ANKS1B: variants seen among roughly 807,000 people sequenced by gnomAD.
ANKS1B encodes ankyrin repeat and sterile alpha motif domain containing 1B.
Under a neutral mutation model 148.3 loss-of-function variants are expected in ANKS1B, and 36 were observed. The ratio of observed to expected loss-of-function variants is 0.24; its 90% CI spans 0.19 to 0.32. ANKS1B has a LOEUF of 0.32. Among genes scored for constraint, ANKS1B ranks in the 10% least tolerant of loss-of-function variants. ANKS1B has a pLI of 1.00. For synonymous variants in ANKS1B, 542 were observed against 560.8 expected (o/e 0.97, Z 0.47); for missense variants, 1,157 against 1,542.6 (o/e 0.75, Z 4.19).
chr12:99,181,703 T>C (rs981202828), intron 14 of ANKS1B, among the ~76,000 whole-genome samples: 2 of 152,124 alleles, frequency 1.3e-5, no homozygotes, highest in Admixed American at 1.3e-4. Context: ...ATGGGGTATA[T>C]GAGATTTTTC....
At chr12:99,189,851 C>A (rs2080406272) in intron 14 of ANKS1B, among the ~76,000 whole-genome samples, 1 of 152,010 alleles carries the variant, frequency 6.6e-6, no homozygotes, top group African/African-American at 2.4e-5. Context: ...GGCAATCAGG[C>A]AAGACAAAGA....
At chr12:99,216,490 T>C (rs2084215231) in intron 14 of ANKS1B, among the ~76,000 whole-genome samples, 1 of 152,252 alleles carries the variant, frequency 6.6e-6, no homozygotes, top group South Asian at 2.1e-4. Context: ...TAAATACACA[T>C]TTCTTTTTTT....
intron 10 of ANKS1B, among the ~76,000 whole-genome samples, chr12:99,503,006 G>A (rs768391489): frequency 6.6e-6 from 1 of 152,310 alleles, no homozygotes; most frequent in East Asian, 1.9e-4. Flanking sequence ...GTGTGACCAC[G>A]GTTTACTGTA....
rs370787019 is a variant in ANKS1B, at chr12:99,645,212, C to T, written c.1272+9855G>A. ...ATTACATAGTTTTAAGCACTAACAC[C>T]GCTGATTGCCTATCTTACTGAACTA... On this transcript the variant is annotated intron_variant, in intron 9 of 26. Coordinates refer to ENST00000683438, the MANE Select transcript of ANKS1B (RefSeq NM_001352186.2). 5.0e-4 allele frequency among the ~76,000 whole-genome samples: 76 copies of T among 152,310 alleles called. No individual in the cohort carries two copies. In the South Asian group the frequency reaches 0.013, roughly 26 times the overall value.
chr12:98,765,753 G>T lies in ANKS1B; in HGVS notation c.3579+7289C>A, dbSNP rs149996801. On this transcript the variant is annotated intron_variant, in intron 25 of 26. Transcript: ENST00000683438. ...TGGGATTACAGGTGTGCACCACCAT[G>T]CCAGGCTAATTTTTGTATCTTTAGT... Among the ~76,000 whole-genome samples, 138 of 152,302 alleles carry T rather than the reference G, an allele frequency of 9.1e-4. 1 individual carries two copies. The highest frequency in any genetic ancestry group is 3.1e-3 in the African/African-American group (129 of 41,556).
intron 12 of ANKS1B, among the ~76,000 whole-genome samples, chr12:99,306,165 AAC>A (rs1301955405): frequency 2.6e-5 from 4 of 152,070 alleles, no homozygotes; most frequent in Non-Finnish European, 5.9e-5. Flanking sequence ...GTTCATCACC[AAC>A]AGTTATTGGA....
At chr12:99,643,932 T>C (rs2098334117) in intron 9 of ANKS1B, among the ~76,000 whole-genome samples, 1 of 152,232 alleles carries the variant, frequency 6.6e-6, no homozygotes, top group Admixed American at 6.5e-5. Flanking sequence ...CTAAGTACAC[T>C]TCTTGACAGT....
At chr12:99,945,449 G>GT (rs2095037841) in intron 1 of ANKS1B, among the ~76,000 whole-genome samples, 1 of 152,124 alleles carries the variant, frequency 6.6e-6, no homozygotes, top group Admixed American at 6.5e-5. Context: ...TAACAGCACG[G>GT]TGTCAGTTTA....
intron 17 of ANKS1B, among the ~76,000 whole-genome samples, chr12:98,935,855 A>G (rs1365573462): frequency 6.6e-6 from 1 of 152,198 alleles, no homozygotes; most frequent in East Asian, 1.9e-4. Flanking sequence ...AGTTGTGAAA[A>G]TTTAGTGAAA....
intron 12 of ANKS1B, among the ~76,000 whole-genome samples, chr12:99,344,196 T>C (rs1038405954): frequency 3.3e-5 from 5 of 152,042 alleles, no homozygotes; most frequent in African/African-American, 1.2e-4. Flanking sequence ...CAAACCACTG[T>C]GTGTGTATAT....
At chr12:98,983,527 TAATTCCAGCGATTAAA>T (rs1162648798) in intron 17 of ANKS1B, among the ~76,000 whole-genome samples, 1 of 152,220 alleles carries the variant, frequency 6.6e-6, no homozygotes, top group East Asian at 1.9e-4. Flanking sequence ...GTCACAAGAA[TAATTCCAGCGATTAAA>T]GTTATGAGGG....
intron 9 of ANKS1B, among the ~76,000 whole-genome samples, chr12:99,518,357 G>C (rs927294809): frequency 4.6e-5 from 7 of 151,994 alleles, no homozygotes; most frequent in Non-Finnish European, 1.0e-4. Context: ...TTTATTTGCT[G>C]GGAGACTTTT....
chr12:99,285,824 C>T (rs75099762), intron 12 of ANKS1B, among the ~76,000 whole-genome samples: 1,976 of 152,228 alleles, frequency 0.013, 42 homozygotes, highest in African/African-American at 0.046. Context: ...CAGGGACTAA[C>T]ACAGGGCAGA....
At chr12:99,678,634 T>C (rs376702236) in intron 8 of ANKS1B, among the ~76,000 whole-genome samples, 1 of 152,118 alleles carries the variant, frequency 6.6e-6, no homozygotes, top group African/African-American at 2.4e-5. Flanking sequence ...CCATCCCTGA[T>C]TGCACCAAAC....
chr12:99,751,356 G>A (rs2061090247), intron 8 of ANKS1B, among the ~76,000 whole-genome samples: 1 of 151,822 alleles, frequency 6.6e-6, no homozygotes, highest in South Asian at 2.1e-4. Context: ...TTCCTATAAA[G>A]CATCTCGAAA....
intron 8 of ANKS1B, among the ~76,000 whole-genome samples, chr12:99,686,560 G>A (rs980362066): frequency 7.2e-5 from 11 of 151,896 alleles, no homozygotes; most frequent in African/African-American, 2.7e-4. Context: ...ATTGTCTTAA[G>A]TTTTTCTTGT....
intron 4 of ANKS1B, among the ~76,000 whole-genome samples, chr12:99,800,459 A>C (rs2066810594): frequency 1.3e-5 from 2 of 151,928 alleles, no homozygotes; most frequent in East Asian, 1.9e-4. Flanking sequence ...AAAAAAAAAA[A>C]AACGGAGGAA....
At chr12:99,467,464 A>G (rs1567161479) in intron 10 of ANKS1B, among the ~76,000 whole-genome samples, 1 of 152,196 alleles carries the variant, frequency 6.6e-6, no homozygotes, top group South Asian at 2.1e-4. Flanking sequence ...GAAGGAAATA[A>G]AGGGTATTCG....
At chr12:99,803,517 G>A (rs573562067) in intron 4 of ANKS1B, among the ~76,000 whole-genome samples, 53 of 152,168 alleles carry the variant, frequency 3.5e-4, no homozygotes, top group Middle Eastern at 3.4e-3. Flanking sequence ...ACATCACCCC[G>A]ATACTTCTGA....
Sources: allele counts gnomAD v4.1 joint callset (sites outside exome capture counted in the v4.1 genomes callset), GRCh38; gene constraint gnomAD v4.1.1; transcripts MANE v1.5; gene names NCBI Gene and HGNC (gene_info 2026-07-23, HGNC 2026-07-21).